UPK1B: variants seen among roughly 807,000 people sequenced by gnomAD.
The protein encoded by UPK1B is uroplakin 1B.
A neutral mutation model predicts 34.2 loss-of-function variants in UPK1B; 28 were observed. The observed-to-expected ratio is 0.82, with a 90% CI of 0.61 to 1.12. The LOEUF is 1.12. Among genes scored for constraint, UPK1B ranks in the 50% most tolerant of loss-of-function variants. The pLI is 0.00. For synonymous variants in UPK1B, 81 were observed against 110.4 expected (o/e 0.73, Z 1.67); for missense variants, 325 against 320.9 (o/e 1.01, Z -0.10).
At chr3:119,185,490 C>G (rs1477959163) in intron 1 of UPK1B, among the ~76,000 whole-genome samples, 1 of 152,036 alleles carries the variant, frequency 6.6e-6, no homozygotes, top group African/African-American at 2.4e-5. Context: ...CACCTCACTC[C>G]CACACATATC....
At chr3:119,189,790 A>G (rs1207557765) in intron 3 of UPK1B, among the ~76,000 whole-genome samples, 1 of 152,268 alleles carries the variant, frequency 6.6e-6, no homozygotes, top group Admixed American at 6.5e-5. Flanking sequence ...AGCAAATTGT[A>G]AAGAAAATTT....
intron 1 of UPK1B, among the ~76,000 whole-genome samples, chr3:119,180,532 T>C (rs2077984703): frequency 6.6e-6 from 1 of 152,198 alleles, no homozygotes; most frequent in Non-Finnish European, 1.5e-5. Flanking sequence ...CAAGAAGCTA[T>C]TAACAAAGGC....
intron 6 of UPK1B, among the ~76,000 whole-genome samples, chr3:119,197,911 G>A (rs879725402): frequency 3.3e-5 from 5 of 152,174 alleles, no homozygotes; most frequent in African/African-American, 4.8e-5. Context: ...ATGAGACACC[G>A]GAAGATTGGG....
chr3:119,187,643 G>A (rs2078025062), intron 2 of UPK1B, 132 bp from the exon 3 acceptor site: 1 of 892,846 alleles, frequency 1.1e-6, no homozygotes, highest in African/African-American at 1.7e-5. Context: ...TGATTTCCTG[G>A]CAATGGGGAG....
chr3:119,179,423 G>T (rs2077977735), intron 1 of UPK1B, among the ~76,000 whole-genome samples: 1 of 127,256 alleles, frequency 7.9e-6, no homozygotes, highest in African/African-American at 2.8e-5. Context: ...TAACCTATGT[G>T]ATGTGATTGT....
intron 3 of UPK1B, 44 bp downstream of exon 3, chr3:119,188,019 G>A (rs895421557): frequency 6.3e-7 from 1 of 1,591,472 alleles, no homozygotes; most frequent in Non-Finnish European, 8.6e-7. Context: ...TGAGCCAATT[G>A]TAATGGATTC....
chr3:119,191,939 A>C lies in UPK1B; in HGVS notation c.468+835A>C, dbSNP rs138992499. Among the ~76,000 whole-genome samples the C allele has an allele frequency of 5.9e-3, 895 of 152,058 alleles. 6 individuals carry two copies. Among genetic ancestry groups the C allele is most frequent in the African/African-American group, 0.02 (838 of 41,452 alleles). ...AGGGATTTCAATATCTCACTTAACT[A>C]TCTACCTCTTCAGTCATACTCCTGA... On this transcript the variant is annotated intron_variant, in intron 5 of 7. Coordinates refer to ENST00000264234, the MANE Select transcript of UPK1B (RefSeq NM_006952.4).
chr3:119,199,154 A>C lies in UPK1B; in HGVS notation c.732+14A>C. The C allele has an allele frequency of 6.2e-7, 1 of 1,613,876 alleles. No individual in the cohort carries two copies. The highest frequency in any genetic ancestry group is 8.5e-7 in the Non-Finnish European group (1 of 1,179,838). ...CTCTGCTGGACTGTGAGTATTTCCC[A>C]GCACATATTTTATCTGAGAGGATGA... On this transcript the variant is annotated intron_variant, in intron 7 of 7. Coordinates refer to ENST00000264234, the MANE Select transcript of UPK1B (RefSeq NM_006952.4).
At chr3:119,202,497 GTTA>G (rs2107439386) in intron 7 of UPK1B, among the ~76,000 whole-genome samples, 1 of 152,306 alleles carries the variant, frequency 6.6e-6, no homozygotes, top group African/African-American at 2.4e-5. Flanking sequence ...ATTAGACCCT[GTTA>G]TTATTTCATT....
intron 1 of UPK1B, among the ~76,000 whole-genome samples, chr3:119,174,699 T>C (rs2077944510): frequency 1.3e-5 from 2 of 152,212 alleles, no homozygotes; most frequent in Admixed American, 1.3e-4. Context: ...AGGAAAGAAC[T>C]CATTAGGTTT....
At chr3:119,198,916 C>T (rs1427659909) in intron 6 of UPK1B, 141 bp from the exon 7 acceptor site, 1 of 822,686 alleles carries the variant, frequency 1.2e-6, no homozygotes, top group Non-Finnish European at 1.9e-6. Context: ...GCTGGCTGTC[C>T]TCAGAGATGT....
At chr3:119,199,303 C>T (rs1264849985) in intron 7 of UPK1B, among the ~76,000 whole-genome samples, 163 bp downstream of exon 7, 1 of 152,192 alleles carries the variant, frequency 6.6e-6, no homozygotes, top group East Asian at 1.9e-4. Context: ...ACAGTGGGTT[C>T]TCTTGAGAGG....
chr3:119,199,519 C>G (rs563251596), intron 7 of UPK1B, among the ~76,000 whole-genome samples: 1 of 152,342 alleles, frequency 6.6e-6, no homozygotes, highest in South Asian at 2.1e-4. Context: ...TGGCCCCTGC[C>G]TGATACTAAT....
chr3:119,179,884 C>T (rs1559900225), intron 1 of UPK1B, among the ~76,000 whole-genome samples: 1 of 140,212 alleles, frequency 7.1e-6, no homozygotes, highest in Admixed American at 7.6e-5. Context: ...TGGCAAACTC[C>T]GCCTCTCCCG....
At position 119,187,933 on chromosome 3, in the gene UPK1B, C is replaced by T; in HGVS notation, c.228C>T (p.Gly76=). ...GCCTCTTCTGCCTGTCTGTTCTAGG[C>T]ATTGTAGGCATCATGAAGTCCAGCA... ...GICLFCLSVL[G]IVGIMKSSRK... is the part of the protein sequence containing the mutation. The change falls in exon 3 of 8, where the codon GGC becomes GGT. Residue 76 remains glycine (G), a synonymous_variant. Coordinates refer to ENST00000264234, the MANE Select transcript of UPK1B (RefSeq NM_006952.4). The T allele has an allele frequency of 6.2e-7, 1 of 1,614,102 alleles. No homozygotes were observed. The highest frequency in any genetic ancestry group is 2.2e-5 in the East Asian group (1 of 44,872).
intron 2 of UPK1B, 66 bp downstream of exon 2, chr3:119,186,876 A>G (rs1017914468): frequency 1.1e-4 from 172 of 1,551,006 alleles, no homozygotes; most frequent in Non-Finnish European, 1.4e-4. Flanking sequence ...ATGAATCAAA[A>G]GTAAGAGTTT....
At position 119,179,375 on chromosome 3, in the gene UPK1B, ATATATATATATATATATATATATT is replaced by A. The variant is rs1177869388; in HGVS notation, c.-29+5738_-29+5761del. On this transcript the variant is annotated intron_variant, in intron 1 of 7. Transcript: ENST00000264234. ...GAGATATATATATATATATATATATATATATATATATATATATATATATTAATTCTAAGGAATTAACCTATGTGA... is the reference window on the plus strand; with the variant it reads ...GAGATATATATATATATATATATATAAATTCTAAGGAATTAACCTATGTGA... Among the ~76,000 whole-genome samples, 752 of 80,734 alleles carry A rather than the reference ATATATATATATATATATATATATT, an allele frequency of 9.3e-3. 28 individuals carry two copies. Among genetic ancestry groups the A allele is most frequent in the African/African-American group, 0.028 (696 of 24,994 alleles). 53.0% of individuals were successfully genotyped at this position (80,734 alleles called of 152,430 possible).
chr3:119,190,400 C>T, intron 4 of UPK1B, 81 bp downstream of exon 4: 1 of 1,023,386 alleles, frequency 9.8e-7, no homozygotes, highest in Non-Finnish European at 1.5e-6. Flanking sequence ...TTACTATGTG[C>T]CCAGGCAATC....
intron 1 of UPK1B, among the ~76,000 whole-genome samples, chr3:119,179,358 T>G (rs1485748347): frequency 1.2e-4 from 3 of 24,054 alleles, no homozygotes; most frequent in African/African-American, 3.7e-4. Flanking sequence ...GGGAGATATA[T>G]ATATATATAT....
Sources: allele counts gnomAD v4.1 joint callset (sites outside exome capture counted in the v4.1 genomes callset), GRCh38; gene constraint gnomAD v4.1.1; transcripts MANE v1.5; gene names NCBI Gene and HGNC (gene_info 2026-07-23, HGNC 2026-07-21).